The following LAMC1 variants were observed in gnomAD, a reference collection of about 807,000 sequenced individuals.
LAMC1 encodes laminin subunit gamma-1.
Under a neutral mutation model 173.6 loss-of-function variants are expected in LAMC1, and 38 were observed. That is an observed-to-expected ratio of 0.22 (90% CI 0.17 to 0.29). LAMC1 has a LOEUF of 0.29. LAMC1 is among the 10% of genes least tolerant of loss of function. LAMC1 has a pLI of 1.00. For synonymous variants in LAMC1, 746 were observed against 749.1 expected (o/e 1.00, Z 0.07); for missense variants, 1,824 against 2,051.8 (o/e 0.89, Z 2.14).
intron 1 of LAMC1, among the ~76,000 whole-genome samples, chr1:183,053,771 G>A (rs763706636): frequency 2.6e-5 from 4 of 151,938 alleles, no homozygotes; most frequent in East Asian, 1.9e-4. Context: ...GATTACAGGC[G>A]CACACCATCA....
intron 1 of LAMC1, among the ~76,000 whole-genome samples, chr1:183,078,227 A>C (rs1655170296): frequency 3.9e-5 from 6 of 152,204 alleles, no homozygotes; most frequent in Admixed American, 3.9e-4. Context: ...CCCAAAGCTC[A>C]GTTAATAAGA....
chr1:183,125,129 C>T, intron 14 of LAMC1: 1 of 591,494 alleles, frequency 1.7e-6, no homozygotes, highest in Non-Finnish European at 3.0e-6. Flanking sequence ...ATATATCCAA[C>T]ATATGATTTC....
chr1:183,058,932 A>G (rs1654672140), intron 1 of LAMC1, among the ~76,000 whole-genome samples: 1 of 152,258 alleles, frequency 6.6e-6, no homozygotes, highest in Non-Finnish European at 1.5e-5. Context: ...AAGGAAGGTA[A>G]TATCTATATG....
intron 18 of LAMC1, among the ~76,000 whole-genome samples, chr1:183,129,829 T>TG (rs1656733220): frequency 6.6e-6 from 1 of 151,920 alleles, no homozygotes; most frequent in Non-Finnish European, 1.5e-5. Flanking sequence ...ATTACACTGA[T>TG]ATGCTGGCAC....
chr1:183,128,629 G>C lies in LAMC1; in HGVS notation c.3159G>C (p.Glu1053Asp). 1 of 1,613,434 alleles carries C rather than the reference G, an allele frequency of 6.2e-7. No homozygotes were observed. The highest frequency in any genetic ancestry group is 8.5e-7 in the Non-Finnish European group (1 of 1,179,580). The change falls in exon 18 of 28, where the codon GAG becomes GAC. Residue 1053 changes from glutamate to aspartate, a missense_variant. Physicochemically the swap from Glu to Asp is conservative, Grantham distance 45. Coordinates refer to ENST00000258341, the MANE Select transcript of LAMC1 (RefSeq NM_002293.4). ...ADHRVKLQEL[E>D]SLIANLGTGD... Reference sequence around the variant, plus strand: ...ATAGAGTGAAGCTCCAGGAATTAGAGAGTCTCATAGCAAACCTTGGAACTG... The same window carrying C: ...ATAGAGTGAAGCTCCAGGAATTAGACAGTCTCATAGCAAACCTTGGAACTG...
chr1:183,103,442 A>G lies in LAMC1; in HGVS notation c.533A>G (p.Tyr178Cys). 6.2e-7 allele frequency: 1 copy of G among 1,614,110 alleles called. No individual in the cohort carries two copies. Among genetic ancestry groups the G allele is most frequent in the South Asian group, 1.1e-5 (1 of 91,078 alleles). Residue 178 changes from tyrosine to cysteine, a missense_variant, in exon 2 of 28, where the codon TAC becomes TGC. Physicochemically the swap from Tyr to Cys is radical, Grantham distance 194 (BLOSUM62 -2). Transcript: ENST00000258341. ...GGGCCCTGGATTCCTTACCAGTACT[A>G]CAGTGGTTCCTGTGAGAACACCTAC... ...EDGPWIPYQY[Y>C]SGSCENTYSK...
chr1:183,081,046 G>T (rs996077122), intron 1 of LAMC1, among the ~76,000 whole-genome samples: 4 of 151,836 alleles, frequency 2.6e-5, no homozygotes, highest in African/African-American at 9.7e-5. Flanking sequence ...CTGCCACCAC[G>T]CCCGGCTAAT....
rs765386901 is a variant in LAMC1, at chr1:183,130,553, A to G, written c.3486+4A>G. ...AAAAGTCGCTGCTGCCAATGTGGTA[A>G]GTGATTGCAAACGTCTGAGGTGGGG... On this transcript the variant is annotated splice_donor_region_variant and intron_variant, in intron 19 of 27. Coordinates refer to ENST00000258341, the MANE Select transcript of LAMC1 (RefSeq NM_002293.4). 208 of 1,613,644 alleles carry G rather than the reference A, an allele frequency of 1.3e-4. No homozygotes were observed. In the East Asian group the frequency reaches 3.6e-3, roughly 28 times the overall value.
chr1:183,041,637 A>ATT (rs745695145), intron 1 of LAMC1, among the ~76,000 whole-genome samples: 59 of 152,216 alleles, frequency 3.9e-4, no homozygotes, highest in Non-Finnish European at 7.8e-4. Flanking sequence ...ACAAAGATTT[A>ATT]TTAAGCACCT....
chr1:183,113,641 G>A (rs949300269), intron 4 of LAMC1, among the ~76,000 whole-genome samples: 6 of 152,142 alleles, frequency 3.9e-5, no homozygotes, highest in African/African-American at 1.4e-4. Context: ...CCTGTACATG[G>A]ATGTTTCTGG....
chr1:183,081,941 C>A (rs1055540638), intron 1 of LAMC1, among the ~76,000 whole-genome samples: 2 of 152,156 alleles, frequency 1.3e-5, no homozygotes, highest in African/African-American at 4.8e-5. Flanking sequence ...AATCACAGAC[C>A]CTTTTACTGT....
In LAMC1 at chr1:183,130,139, C is replaced by T. The variant is rs536600916; in HGVS notation, c.3281-205C>T. On this transcript the variant is annotated intron_variant, in intron 18 of 27. Coordinates refer to ENST00000258341, the MANE Select transcript of LAMC1 (RefSeq NM_002293.4). The stretch of plus-strand genomic sequence containing the variant: ...GTTCGTAGTCAAGTGGACAGATGGA[C>T]GCACGGTTGGAGGTGTGATGAGTGC... Among the ~76,000 whole-genome samples the T allele has an allele frequency of 1.6e-3, 238 of 152,202 alleles. 1 individual carries two copies. Among genetic ancestry groups the T allele is most frequent in the African/African-American group, 5.4e-3 (226 of 41,522 alleles).
chr1:183,081,322 G>A (rs1366231306), intron 1 of LAMC1, among the ~76,000 whole-genome samples: 1 of 152,018 alleles, frequency 6.6e-6, no homozygotes, highest in Non-Finnish European at 1.5e-5. Context: ...TTATGGCCAG[G>A]CATGGTGGCT....
In LAMC1 at chr1:183,023,966, G is replaced by A. The variant is rs956767128; in HGVS notation, c.250G>A (p.Gly84Arg). Reference sequence around the variant, plus strand: ...ATACTGTGTGCAGACCGGGGTGACCGGGGTCACCAAGTCCTGTCACCTGTG... The same window carrying A: ...ATACTGTGTGCAGACCGGGGTGACCAGGGTCACCAAGTCCTGTCACCTGTG... ...EEYCVQTGVT[G>R]VTKSCHLCDA... Residue 84 changes from glycine to arginine, a missense_variant, in exon 1 of 28, where the codon GGG (glycine) becomes AGG (arginine). Transcript: ENST00000258341. 1 of 1,613,250 alleles carries A rather than the reference G, an allele frequency of 6.2e-7. No individual in the cohort carries two copies. The highest frequency in any genetic ancestry group is 8.5e-7 in the Non-Finnish European group (1 of 1,179,952).
At chr1:183,071,077 G>GT (rs1289934635) in intron 1 of LAMC1, among the ~76,000 whole-genome samples, 10 of 148,456 alleles carry the variant, frequency 6.7e-5, no homozygotes, top group South Asian at 2.1e-4. Flanking sequence ...AGGAAGCTGG[G>GT]TTTTTTTTGT....
rs2027082 is a variant in LAMC1, at chr1:183,115,473, C to A, written c.1211-47C>A. The A allele has an allele frequency of 0.56, 683,829 of 1,212,086 alleles. 195,816 individuals carry two copies. The highest frequency in any genetic ancestry group is 0.66 in the Admixed American group (38,826 of 58,862). 75.1% of individuals were successfully genotyped at this position (1,212,086 alleles called of 1,614,324 possible). A position where few individuals can be genotyped will look rare whatever the true frequency, so the allele number is the denominator to read the frequency against. On this transcript the variant is annotated intron_variant, in intron 5 of 27. Coordinates refer to ENST00000258341, the MANE Select transcript of LAMC1 (RefSeq NM_002293.4). ...TTCTTTAACACATTGATTTTACTTA[C>A]GTATCTGGCCGAATTTTTGTTTGAC...
intron 1 of LAMC1, among the ~76,000 whole-genome samples, chr1:183,041,834 G>T (rs1654141836): frequency 6.6e-6 from 1 of 152,088 alleles, no homozygotes; most frequent in Non-Finnish European, 1.5e-5. Context: ...TGGTAGTAGG[G>T]GTTCAAAAAA....
chr1:183,124,446 A>T (rs1294280514), intron 13 of LAMC1, among the ~76,000 whole-genome samples, 185 bp from the exon 14 acceptor site: 1 of 152,218 alleles, frequency 6.6e-6, no homozygotes, highest in Non-Finnish European at 1.5e-5. Flanking sequence ...GGAAATAGAG[A>T]TGTGCTCAAG....
At chr1:183,126,326 A>G (rs1656619288) in intron 16 of LAMC1, 64 bp downstream of exon 16, 21 of 1,566,218 alleles carry the variant, frequency 1.3e-5, no homozygotes, top group Non-Finnish European at 1.8e-5. Flanking sequence ...TCTTAAGGCC[A>G]GAAAGGACTT....
Sources: allele counts gnomAD v4.1 joint callset (sites outside exome capture counted in the v4.1 genomes callset), GRCh38; gene constraint gnomAD v4.1.1; transcripts MANE v1.5; gene names NCBI Gene and HGNC (gene_info 2026-07-23, HGNC 2026-07-21).